The following COMMD10 variants were observed in gnomAD, a reference collection of about 807,000 sequenced individuals.
The protein encoded by COMMD10 is COMM domain containing 10, also known as COMM domain-containing protein 10.
COMMD10 carries 33 observed loss-of-function variants against 28.9 expected under a neutral mutation model. That is an observed-to-expected ratio of 1.14 (90% CI 0.87 to 1.53). The LOEUF is 1.53. COMMD10 is among the 40% of genes most tolerant of loss of function. COMMD10 has a pLI of 0.00. For missense variants in COMMD10, 310 were observed against 233.4 expected (o/e 1.33, Z -2.14); for synonymous variants, 110 against 81.7 (o/e 1.35, Z -1.87).
intron 5 of COMMD10, among the ~76,000 whole-genome samples, chr5:116,137,967 T>G (rs1473469532): frequency 6.6e-6 from 1 of 151,956 alleles, no homozygotes; most frequent in East Asian, 1.9e-4. Context: ...GACTTAAAGT[T>G]TTTTTCGTTA....
intron 5 of COMMD10, among the ~76,000 whole-genome samples, chr5:116,239,659 A>G (rs1349961184): frequency 6.6e-6 from 1 of 152,178 alleles, no homozygotes. Flanking sequence ...AGCAGCTGTC[A>G]TTTGATCAGA....
chr5:116,117,518 C>T (rs1751281233), intron 4 of COMMD10, among the ~76,000 whole-genome samples: 1 of 152,102 alleles, frequency 6.6e-6, no homozygotes. Context: ...CTGGAGTGTG[C>T]AGTGGCACGA....
At chr5:116,238,418 T>C (rs551828353) in intron 5 of COMMD10, among the ~76,000 whole-genome samples, 6 of 152,226 alleles carry the variant, frequency 3.9e-5, no homozygotes, top group Non-Finnish European at 7.3e-5. Context: ...TCCTGACCAC[T>C]TTTAGCTGGT....
intron 5 of COMMD10, among the ~76,000 whole-genome samples, chr5:116,216,654 C>T (rs1272874965): frequency 1.3e-5 from 2 of 152,154 alleles, no homozygotes; most frequent in African/African-American, 4.8e-5. Flanking sequence ...CTGCCTCAGC[C>T]TCCCGAGTAG....
intron 5 of COMMD10, among the ~76,000 whole-genome samples, chr5:116,228,922 A>G (rs745772240): frequency 3.3e-5 from 5 of 152,010 alleles, no homozygotes; most frequent in Non-Finnish European, 7.4e-5. Flanking sequence ...TGTGGGAATC[A>G]TATTTTTGAC....
At chr5:116,209,004 A>G (rs544362018) in intron 5 of COMMD10, among the ~76,000 whole-genome samples, 25 of 152,172 alleles carry the variant, frequency 1.6e-4, no homozygotes, top group Non-Finnish European at 2.8e-4. Flanking sequence ...TTTATTTGCC[A>G]GATTCTGTCT....
chr5:116,245,504 C>A (rs139266026), intron 5 of COMMD10, among the ~76,000 whole-genome samples: 1 of 152,124 alleles, frequency 6.6e-6, no homozygotes, highest in South Asian at 2.1e-4. Flanking sequence ...GCTAGCATCA[C>A]CCTGATACCA....
chr5:116,275,954 A>T (rs1362658979), intron 5 of COMMD10, among the ~76,000 whole-genome samples: 1 of 150,086 alleles, frequency 6.7e-6, no homozygotes. Context: ...ACTGAAAAAA[A>T]AATGTATATA....
intron 5 of COMMD10, among the ~76,000 whole-genome samples, chr5:116,257,266 CATTTCAG>C (rs1184667364): frequency 1.3e-5 from 2 of 151,522 alleles, no homozygotes; most frequent in Non-Finnish European, 2.9e-5. Context: ...GATGTTGGAG[CATTTCAG>C]ATTTCAGATT....
At chr5:116,153,199 A>T (rs958001327) in intron 5 of COMMD10, among the ~76,000 whole-genome samples, 2 of 152,132 alleles carry the variant, frequency 1.3e-5, no homozygotes, top group Non-Finnish European at 2.9e-5. Flanking sequence ...ATACAGGATA[A>T]GTTTAAAAAT....
At chr5:116,238,386 TTGA>T (rs943050145) in intron 5 of COMMD10, among the ~76,000 whole-genome samples, 2 of 152,208 alleles carry the variant, frequency 1.3e-5, no homozygotes, top group Admixed American at 1.3e-4. Flanking sequence ...TCTCAAATCT[TTGA>T]TGATTTTATT....
intron 5 of COMMD10, among the ~76,000 whole-genome samples, chr5:116,224,742 G>A (rs1194107666): frequency 1.3e-5 from 2 of 152,152 alleles, no homozygotes; most frequent in Non-Finnish European, 2.9e-5. Flanking sequence ...GTTTGGAGGG[G>A]ACAAAACATT....
chr5:116,144,973 G>C (rs1752298820), intron 5 of COMMD10, among the ~76,000 whole-genome samples: 1 of 151,828 alleles, frequency 6.6e-6, no homozygotes, highest in African/African-American at 2.4e-5. Flanking sequence ...TGAGATGTGA[G>C]ATTCAGAGCA....
At chr5:116,146,967 TTTTAAAAAACTAAAATGC>T (rs1284319957) in intron 5 of COMMD10, among the ~76,000 whole-genome samples, 1 of 151,934 alleles carries the variant, frequency 6.6e-6, no homozygotes. Flanking sequence ...CATGTCCATA[TTTTAAAAAACTAAAATGC>T]TTTAAGGATT....
At chr5:116,145,810 C>A (rs960153314) in intron 5 of COMMD10, among the ~76,000 whole-genome samples, 1 of 151,900 alleles carries the variant, frequency 6.6e-6, no homozygotes, top group South Asian at 2.1e-4. Flanking sequence ...CTCAGCACTT[C>A]TCCTTCCTGC....
intron 5 of COMMD10, among the ~76,000 whole-genome samples, chr5:116,161,668 T>C (rs1411940210): frequency 6.6e-6 from 1 of 152,134 alleles, no homozygotes; most frequent in Non-Finnish European, 1.5e-5. Flanking sequence ...AGAGAAAATA[T>C]ATTATTTCTT....
At chr5:116,122,586 C>G (rs1183482577) in intron 4 of COMMD10, among the ~76,000 whole-genome samples, 1 of 152,178 alleles carries the variant, frequency 6.6e-6, no homozygotes. Context: ...TGGCCATTTT[C>G]ATGATATTGA....
At chr5:116,221,627 ATTTGGTTTGACT>A (rs1749261189) in intron 5 of COMMD10, among the ~76,000 whole-genome samples, 1 of 152,160 alleles carries the variant, frequency 6.6e-6, no homozygotes, top group Admixed American at 6.5e-5. Flanking sequence ...AGTAGTAATT[ATTTGGTTTGACT>A]TTGGAAAAGT....
intron 5 of COMMD10, among the ~76,000 whole-genome samples, chr5:116,218,746 G>C (rs1266478942): frequency 6.6e-6 from 1 of 152,016 alleles, no homozygotes; most frequent in East Asian, 1.9e-4. Flanking sequence ...AACATTTTAG[G>C]GACAGTCCTG....
Sources: allele counts gnomAD v4.1 joint callset (sites outside exome capture counted in the v4.1 genomes callset), GRCh38; gene constraint gnomAD v4.1.1; transcripts MANE v1.5; gene names NCBI Gene and HGNC (gene_info 2026-07-23, HGNC 2026-07-21).